ITPKB: variants seen among roughly 807,000 people sequenced by gnomAD.
ITPKB encodes the protein inositol-trisphosphate 3-kinase B.
ITPKB carries 13 observed loss-of-function variants against 69.4 expected under a neutral mutation model. The observed-to-expected ratio is 0.19, with a 90% CI of 0.12 to 0.30. The LOEUF is 0.30. Among genes scored for constraint, ITPKB ranks in the 10% least tolerant of loss-of-function variants. ITPKB has a pLI of 1.00. For missense variants in ITPKB, 1,240 were observed against 1,250.5 expected (o/e 0.99, Z 0.13); for synonymous variants, 584 against 513.7 (o/e 1.14, Z -1.85).
At position 226,639,649 on chromosome 1, in the gene ITPKB, C is replaced by T. The variant is rs746879876; in HGVS notation, c.2461G>A (p.Gly821Ser). The change falls in exon 6 of 8, where the codon GGC (glycine) becomes AGC (serine). Residue 821 changes from glycine to serine, a missense_variant. Physicochemically the swap from Gly to Ser is moderately conservative, Grantham distance 56 (BLOSUM62 0). Around this residue, in one of 2 missense-constraint regions of ITPKB, gnomAD observed 248 missense variants for 396.7 expected, o/e 0.63. Transcript: ENST00000429204. ...TTCTTGAAGTCCCGGTTCACGGTGC[C>T]GTCTTCTTTCTGAGAAAGAGAACAC... The part of the protein sequence containing the change: ...FRIEGIKKED[G>S]TVNRDFKKTK... 78 of 1,612,644 alleles carry T rather than the reference C, an allele frequency of 4.8e-5. No homozygotes were observed. The highest frequency in any genetic ancestry group is 6.1e-5 in the Non-Finnish European group (72 of 1,178,770).
intron 2 of ITPKB, among the ~76,000 whole-genome samples, chr1:226,693,655 G>T (rs1161056015): frequency 6.6e-6 from 1 of 152,144 alleles, no homozygotes; most frequent in Admixed American, 6.5e-5. Context: ...TCTATTGGTT[G>T]TAACCATCTA....
At position 226,720,393 on chromosome 1, in the gene ITPKB, C is replaced by T. The variant is rs1209334514; in HGVS notation, c.1932+15134G>A. Among the ~76,000 whole-genome samples the T allele has an allele frequency of 2.6e-5, 4 of 152,214 alleles. No individual in the cohort carries two copies. In the East Asian group the frequency reaches 7.7e-4, roughly 29 times the overall value. ...GGCCCAGAACTAAATTCAAAGCCAC[C>T]TTCCTCTGTTCTCCAGGCGACAGCT... On this transcript the variant is annotated intron_variant, in intron 2 of 7. Transcript: ENST00000429204.
At chr1:226,690,919 G>A (rs1656334201) in intron 2 of ITPKB, among the ~76,000 whole-genome samples, 1 of 152,192 alleles carries the variant, frequency 6.6e-6, no homozygotes, top group African/African-American at 2.4e-5. Context: ...TGCTACAACA[G>A]GGATGACCCT....
At chr1:226,719,266 G>A (rs182585665) in intron 2 of ITPKB, among the ~76,000 whole-genome samples, 259 of 152,252 alleles carry the variant, frequency 1.7e-3, no homozygotes, top group Non-Finnish European at 2.8e-3. Flanking sequence ...GCAATAGAGC[G>A]GGACAAAACA....
intron 2 of ITPKB, among the ~76,000 whole-genome samples, chr1:226,724,037 G>C (rs1472181320): frequency 2.6e-5 from 4 of 152,094 alleles, no homozygotes; most frequent in Non-Finnish European, 5.9e-5. Flanking sequence ...ACTGGTGGAG[G>C]GGTGTCCTCT....
At chr1:226,653,836 G>T (rs1420136095) in intron 2 of ITPKB, among the ~76,000 whole-genome samples, 1 of 152,168 alleles carries the variant, frequency 6.6e-6, no homozygotes, top group African/African-American at 2.4e-5. Flanking sequence ...AACCAGCTGG[G>T]GAACTCCCTA....
intron 3 of ITPKB, among the ~76,000 whole-genome samples, chr1:226,648,183 C>CA (rs1669102301): frequency 6.6e-6 from 1 of 152,212 alleles, no homozygotes; most frequent in African/African-American, 2.4e-5. Flanking sequence ...GGCTTGGCCG[C>CA]ATCTTCCACC....
Position 226,634,903 on chromosome 1 carries a change from G to A in ITPKB, c.2626-17C>T, listed in dbSNP as rs779655234. On this transcript the variant is annotated splice_polypyrimidine_tract_variant and intron_variant, in intron 7 of 7. Coordinates refer to ENST00000429204, the MANE Select transcript of ITPKB (RefSeq NM_002221.4). The surrounding 1 kb of genome is among the most constrained non-coding windows in gnomAD (Gnocchi z 6.3). Reference sequence around the variant, plus strand: ...GCCAATGACCTGAGGAGAACATGGGGGTGAAGGGTGAGCTGAAGCCCGGGC... The same window carrying A: ...GCCAATGACCTGAGGAGAACATGGGAGTGAAGGGTGAGCTGAAGCCCGGGC... The A allele has an allele frequency of 1.2e-5, 19 of 1,597,422 alleles. No homozygotes were observed. The highest frequency in any genetic ancestry group is 1.5e-5 in the Non-Finnish European group (18 of 1,167,954).
At chr1:226,645,380 A>G (rs1353248612) in intron 4 of ITPKB, among the ~76,000 whole-genome samples, 2 of 152,120 alleles carry the variant, frequency 1.3e-5, no homozygotes, top group African/African-American at 4.8e-5. Flanking sequence ...GTGCAATCAG[A>G]GAGAAGCTGC....
intron 2 of ITPKB, among the ~76,000 whole-genome samples, chr1:226,655,014 G>T (rs1669264029): frequency 6.6e-6 from 1 of 150,804 alleles, no homozygotes; most frequent in East Asian, 2.0e-4. Flanking sequence ...GTACGAAGAG[G>T]AAAGAGGAGG....
At chr1:226,670,387 A>C (rs993416853) in intron 2 of ITPKB, among the ~76,000 whole-genome samples, 12 of 152,150 alleles carry the variant, frequency 7.9e-5, no homozygotes, top group African/African-American at 2.7e-4. Context: ...AATCTACTTA[A>C]GGAAATACTC....
At position 226,634,564 on chromosome 1, in the gene ITPKB, T is replaced by G; in HGVS notation, c.*107A>C. 1.5e-6 allele frequency: 1 copy of G among 648,118 alleles called. No individual in the cohort carries two copies. Among genetic ancestry groups the G allele is most frequent in the East Asian group, 2.7e-5 (1 of 36,790 alleles). The allele number at this position is 648,118 out of a possible 1,614,324, so 40.1% of individuals were successfully genotyped here. On this transcript the variant is annotated 3_prime_UTR_variant, in exon 8 of 8. Transcript: ENST00000429204. The surrounding 1 kb of genome is among the most constrained non-coding windows in gnomAD (Gnocchi z 6.3). ...TTCTACAAAGTGTCTTGTAGTGCAG[T>G]TCAGGAGGGTCAGTCAGGTGTAAGT...
In ITPKB at chr1:226,718,575, G is replaced by A. The variant is rs985700275; in HGVS notation, c.1932+16952C>T. On this transcript the variant is annotated intron_variant, in intron 2 of 7. Transcript: ENST00000429204. The stretch of plus-strand genomic sequence containing the variant: ...ATGATTGCCCCCTGCACCCCAACCC[G>A]GGCAAGCTACAGAACAAGACCCTGT... Among the ~76,000 whole-genome samples, 7 of 152,158 alleles carry A rather than the reference G, an allele frequency of 4.6e-5. No individual in the cohort carries two copies. The East Asian group carries it at 1.2e-3, about 25-fold the overall frequency.
chr1:226,638,399 C>T (rs998190291), intron 6 of ITPKB, among the ~76,000 whole-genome samples: 3 of 152,208 alleles, frequency 2.0e-5, no homozygotes, highest in African/African-American at 7.2e-5. Context: ...CAGTTCCAGC[C>T]GGTACTGAGT....
intron 5 of ITPKB, among the ~76,000 whole-genome samples, chr1:226,640,303 G>A (rs1668932324): frequency 1.3e-5 from 2 of 152,202 alleles, no homozygotes; most frequent in African/African-American, 4.8e-5. Context: ...GACCTATGAG[G>A]AAATCTGTTC....
At chr1:226,694,982 C>A (rs1175634568) in intron 2 of ITPKB, among the ~76,000 whole-genome samples, 1 of 152,260 alleles carries the variant, frequency 6.6e-6, no homozygotes, top group African/African-American at 2.4e-5. Context: ...GTAATCCCAG[C>A]ACTCTGGGAA....
Position 226,634,667 on chromosome 1 carries a change from C to T in ITPKB, c.*4G>A, listed in dbSNP as rs778909288. 1 of 795,132 alleles carries T rather than the reference C, an allele frequency of 1.3e-6. No homozygotes were observed. The highest frequency in any genetic ancestry group is 1.3e-5 in the South Asian group (1 of 74,730). The allele number at this position is 795,132 out of a possible 1,614,324, so 49.3% of individuals were successfully genotyped here. ...AGGCGGGGGCCAGGGAGGGCGTGGG[C>T]AGCTCAGGCGAGTGGGGCATCCTGG... On this transcript the variant is annotated 3_prime_UTR_variant, in exon 8 of 8. Transcript: ENST00000429204. The surrounding 1 kb of genome is among the most constrained non-coding windows in gnomAD (Gnocchi z 6.3).
At chr1:226,636,041 C>T (rs1211027579) in intron 7 of ITPKB, among the ~76,000 whole-genome samples, 1 of 152,248 alleles carries the variant, frequency 6.6e-6, no homozygotes, top group African/African-American at 2.4e-5. Flanking sequence ...GATTTGGCCT[C>T]TTTCTAGACC....
At chr1:226,715,004 AG>A (rs1328982215) in intron 2 of ITPKB, among the ~76,000 whole-genome samples, 1 of 152,260 alleles carries the variant, frequency 6.6e-6, no homozygotes, top group African/African-American at 2.4e-5. Flanking sequence ...ACAACTGAAA[AG>A]TATCTGTCCC....
Sources: allele counts gnomAD v4.1 joint callset (sites outside exome capture counted in the v4.1 genomes callset), GRCh38; gene constraint gnomAD v4.1.1; regional missense constraint gnomAD v4.1.1; non-coding constraint Gnocchi (gnomAD v3.1); transcripts MANE v1.5; gene names NCBI Gene and HGNC (gene_info 2026-07-23, HGNC 2026-07-21).